SFXN1: variants seen among roughly 807,000 people sequenced by gnomAD.
The protein encoded by SFXN1 is sideroflexin-1.
In SFXN1, 32 loss-of-function variants were observed where a neutral mutation model predicts 39.5. The observed-to-expected ratio is 0.81, with a 90% CI of 0.61 to 1.09. SFXN1 has a LOEUF of 1.09. Ranked by LOEUF, SFXN1 falls within the 50% of genes least tolerant of loss-of-function variation. The probability of loss-of-function intolerance (pLI) is 0.00; values close to 1 mark genes in which losing one functional copy is unlikely to be tolerated. For missense variants in SFXN1, 402 were observed against 407.1 expected (o/e 0.99, Z 0.11); for synonymous variants, 136 against 146.5 (o/e 0.93, Z 0.52).
intron 2 of SFXN1, among the ~76,000 whole-genome samples, chr5:175,503,863 G>C (rs1760181574): frequency 2.0e-5 from 3 of 152,060 alleles, no homozygotes. Flanking sequence ...AATTATCCAG[G>C]CATGGTGGCA....
At chr5:175,517,753 A>C (rs1302193678) in intron 8 of SFXN1, among the ~76,000 whole-genome samples, 3 of 152,092 alleles carry the variant, frequency 2.0e-5, no homozygotes, top group Non-Finnish European at 2.9e-5. Flanking sequence ...ACACTTTCAC[A>C]TTCTATTGTG....
intron 2 of SFXN1, among the ~76,000 whole-genome samples, chr5:175,493,842 C>T (rs896559681): frequency 1.3e-5 from 2 of 152,160 alleles, no homozygotes; most frequent in African/African-American, 2.4e-5. Context: ...AAGGGCCAGA[C>T]GACAAGTATT....
At chr5:175,518,987 C>A (rs939262207) in intron 8 of SFXN1, among the ~76,000 whole-genome samples, 4 of 152,116 alleles carry the variant, frequency 2.6e-5, no homozygotes. Flanking sequence ...TTACAAGGCA[C>A]GTATGTGATA....
At chr5:175,513,828 T>G in intron 7 of SFXN1, 1 of 387,516 alleles carries the variant, frequency 2.6e-6, no homozygotes, top group Non-Finnish European at 4.9e-6. Flanking sequence ...TGGGTGGAGG[T>G]GTGGGAGTGA....
chr5:175,517,478 G>A (rs1342363854), intron 8 of SFXN1, among the ~76,000 whole-genome samples: 1 of 152,050 alleles, frequency 6.6e-6, no homozygotes, highest in East Asian at 1.9e-4. Context: ...CTCAGTCCTG[G>A]CACCTCACTG....
chr5:175,496,783 T>C lies in SFXN1; in HGVS notation c.164+4516T>C, dbSNP rs910357566. Among the ~76,000 whole-genome samples, 87 of 152,304 alleles carry C rather than the reference T, an allele frequency of 5.7e-4. 1 individual carries two copies. The highest frequency in any genetic ancestry group is 1.1e-3 in the Admixed American group (17 of 15,300). On this transcript the variant is annotated intron_variant, in intron 2 of 10. Coordinates refer to ENST00000321442, the MANE Select transcript of SFXN1 (RefSeq NM_022754.7). The stretch of plus-strand genomic sequence containing the variant: ...ATCCCTAAATGTCTCCCTTTTTTTT[T>C]CTCTTCACCTTTTTAGAGCATATAG...
chr5:175,526,978 C>A lies in SFXN1; in HGVS notation c.*244C>A. 2.0e-6 allele frequency: 1 copy of A among 496,396 alleles called. No individual in the cohort carries two copies. Among genetic ancestry groups the A allele is most frequent in the Non-Finnish European group, 3.6e-6 (1 of 281,314 alleles). The allele number at this position is 496,396 out of a possible 1,614,324, so 30.7% of individuals were successfully genotyped here. A position where few individuals can be genotyped will look rare whatever the true frequency, so the allele number is the denominator to read the frequency against. On this transcript the variant is annotated 3_prime_UTR_variant, in exon 11 of 11. Coordinates refer to ENST00000321442, the MANE Select transcript of SFXN1 (RefSeq NM_022754.7). ...ATACCTTTCCTGTAGCTTTTATAGTCATTGTTTTTCAAAGACGATATACCA... is the reference window on the plus strand; with the variant it reads ...ATACCTTTCCTGTAGCTTTTATAGTAATTGTTTTTCAAAGACGATATACCA...
At chr5:175,524,906 T>G (rs1761013548) in intron 10 of SFXN1, among the ~76,000 whole-genome samples, 1 of 152,046 alleles carries the variant, frequency 6.6e-6, no homozygotes, top group African/African-American at 2.4e-5. Context: ...ACAAGCAAAA[T>G]AGACAAATTT....
intron 2 of SFXN1, among the ~76,000 whole-genome samples, chr5:175,500,582 A>G (rs1760038906): frequency 6.6e-6 from 1 of 152,140 alleles, no homozygotes; most frequent in South Asian, 2.1e-4. Flanking sequence ...ATTCATTGTA[A>G]TCATCAAAAC....
At chr5:175,485,073 TG>T (rs1391095658) in intron 1 of SFXN1, among the ~76,000 whole-genome samples, 1 of 152,224 alleles carries the variant, frequency 6.6e-6, no homozygotes, top group Non-Finnish European at 1.5e-5. Context: ...TGAGATCAGC[TG>T]TTTTTGTGAG....
chr5:175,518,100 G>A (rs1042226790), intron 8 of SFXN1, among the ~76,000 whole-genome samples: 4 of 152,056 alleles, frequency 2.6e-5, no homozygotes, highest in African/African-American at 7.2e-5. Flanking sequence ...GGTGACTCAC[G>A]GAAATTTTTG....
chr5:175,509,344 C>T (rs1760431644), intron 3 of SFXN1, 142 bp downstream of exon 3: 1 of 722,010 alleles, frequency 1.4e-6, no homozygotes, highest in Non-Finnish European at 2.2e-6. Context: ...TTGATTGAAT[C>T]ATTCCGTAAT....
At chr5:175,481,361 G>A (rs754587778) in intron 1 of SFXN1, among the ~76,000 whole-genome samples, 6 of 152,146 alleles carry the variant, frequency 3.9e-5, no homozygotes, top group Non-Finnish European at 5.9e-5. Flanking sequence ...TCGCTCTGTT[G>A]CCCAGGCTGG....
intron 9 of SFXN1, among the ~76,000 whole-genome samples, 172 bp from the exon 10 acceptor site, chr5:175,522,203 T>C (rs157475): frequency 0.25 from 38,246 of 152,116 alleles, 6,686 homozygotes; most frequent in African/African-American, 0.5. Flanking sequence ...ACTTTTTCAT[T>C]ATTTTGGCAA....
chr5:175,485,379 C>G (rs1338074693), intron 1 of SFXN1, among the ~76,000 whole-genome samples: 1 of 152,150 alleles, frequency 6.6e-6, no homozygotes, highest in Non-Finnish European at 1.5e-5. Flanking sequence ...GGGCAGAGCC[C>G]CTTTCCCTGC....
intron 2 of SFXN1, among the ~76,000 whole-genome samples, chr5:175,494,900 C>G (rs1334568268): frequency 1.3e-5 from 2 of 151,942 alleles, no homozygotes; most frequent in Non-Finnish European, 1.5e-5. Flanking sequence ...GACAGTGAAA[C>G]ATGAATCACC....
chr5:175,509,305 T>A, intron 3 of SFXN1, 103 bp downstream of exon 3: 1 of 1,151,406 alleles, frequency 8.7e-7, no homozygotes, highest in Non-Finnish European at 1.2e-6. Context: ...ATTTCATAAG[T>A]ATATGAAGTG....
At chr5:175,499,084 A>G (rs1364993786) in intron 2 of SFXN1, among the ~76,000 whole-genome samples, 2 of 152,018 alleles carry the variant, frequency 1.3e-5, no homozygotes, top group African/African-American at 4.8e-5. Context: ...GTAAAACCCC[A>G]TCTCTACTAA....
At chr5:175,503,786 A>G (rs1760173569) in intron 2 of SFXN1, among the ~76,000 whole-genome samples, 1 of 152,118 alleles carries the variant, frequency 6.6e-6, no homozygotes, top group East Asian at 1.9e-4. Context: ...GTGGATCACC[A>G]GAGGTCAGGA....
Sources: gnomAD v4.1 joint callset for allele counts (sites outside exome capture counted in the v4.1 genomes callset) on GRCh38, gnomAD v4.1.1 for gene constraint, MANE v1.5 for transcripts, NCBI Gene and HGNC (gene_info 2026-07-23, HGNC 2026-07-21) for gene names.